The following DLC1 variants were observed in gnomAD, a reference collection of about 807,000 sequenced individuals.
DLC1 encodes DLC1 Rho GTPase activating protein.
DLC1 carries 54 observed loss-of-function variants against 140.3 expected under a neutral mutation model. That is an observed-to-expected ratio of 0.38 (90% CI 0.31 to 0.48). DLC1 has a LOEUF of 0.48. Ranked by LOEUF, DLC1 falls within the 20% of genes least tolerant of loss-of-function variation. The pLI, the probability that DLC1 is intolerant of heterozygous loss-of-function variation, is 0.96. For synonymous variants in DLC1, 986 were observed against 728.1 expected (o/e 1.35, Z -5.70); for missense variants, 2,536 against 1,907.0 (o/e 1.33, Z -6.14).
intron 5 of DLC1, among the ~76,000 whole-genome samples, chr8:13,298,063 T>A (rs1322308968): frequency 5.9e-5 from 9 of 152,238 alleles, no homozygotes; most frequent in Non-Finnish European, 1.2e-4. Context: ...GTTTCATTTC[T>A]ATTTTCTGTC....
chr8:13,446,703 G>A (rs1450340304), intron 2 of DLC1, among the ~76,000 whole-genome samples: 1 of 152,122 alleles, frequency 6.6e-6, no homozygotes, highest in Non-Finnish European at 1.5e-5. Flanking sequence ...CACTTTCGGA[G>A]GCCAAGGTGG....
At chr8:13,386,778 G>C (rs928462778) in intron 4 of DLC1, among the ~76,000 whole-genome samples, 1 of 151,036 alleles carries the variant, frequency 6.6e-6, no homozygotes, top group African/African-American at 2.4e-5. Context: ...AATAATCACT[G>C]AACAATTTCC....
At chr8:13,265,084 T>A (rs1184754795) in intron 5 of DLC1, among the ~76,000 whole-genome samples, 2 of 152,204 alleles carry the variant, frequency 1.3e-5, no homozygotes, top group African/African-American at 4.8e-5. Flanking sequence ...CCTATAGTAA[T>A]AAAAGTTGTC....
At chr8:13,488,256 T>A (rs1260831501) in intron 2 of DLC1, among the ~76,000 whole-genome samples, 1 of 152,222 alleles carries the variant, frequency 6.6e-6, no homozygotes, top group Non-Finnish European at 1.5e-5. Context: ...AATATCATTA[T>A]TTCATAGTTG....
intron 1 of DLC1, among the ~76,000 whole-genome samples, chr8:13,545,745 T>G (rs1803630215): frequency 6.6e-6 from 1 of 152,086 alleles, no homozygotes. Context: ...AATGACATAG[T>G]TGAAAAAAAC....
chr8:13,419,349 G>A (rs1458720326), intron 2 of DLC1, among the ~76,000 whole-genome samples: 1 of 152,124 alleles, frequency 6.6e-6, no homozygotes, highest in African/African-American at 2.4e-5. Context: ...TTGGCTGTGG[G>A]TTTGTCATAG....
In DLC1 at chr8:13,190,109, T is replaced by A. The variant is rs1249268569; in HGVS notation, c.1349-74452A>T. 5.3e-5 allele frequency among the ~76,000 whole-genome samples: 8 copies of A among 152,338 alleles called. No homozygotes were observed. The East Asian group carries it at 1.3e-3, about 26-fold the overall frequency. ...CAATTTTTTATTTTACTCAATGTAT[T>A]CCAAATATCATTTTGGCAGGTAAAC... On this transcript the variant is annotated intron_variant, in intron 5 of 17. Coordinates refer to ENST00000276297, the MANE Select transcript of DLC1 (RefSeq NM_182643.3).
intron 1 of DLC1, chr8:13,567,953 G>A (rs189908929): frequency 3.9e-6 from 6 of 1,530,152 alleles, no homozygotes; most frequent in African/African-American, 1.4e-5. Context: ...AATGTGTAAT[G>A]TGGATAGATG....
chr8:13,393,585 C>A lies in DLC1; in HGVS notation c.1282G>T (p.Val428Leu), dbSNP rs1836866078. ...ESTDLPSSTP[V>L]ANSGTKPKTT... ...TTGGGTTTGGTTCCAGAATTGGCTA[C>A]TGGAGTGGAAGATGGGAGGTCCGTG... Residue 428 changes from valine to leucine, a missense_variant, in exon 4 of 18, where the codon GTA becomes TTA. Transcript: ENST00000276297. 2 of 1,614,016 alleles carry A rather than the reference C, an allele frequency of 1.2e-6. No individual in the cohort carries two copies. The highest frequency in any genetic ancestry group is 1.7e-6 in the Non-Finnish European group (2 of 1,180,010).
At chr8:13,160,716 A>G (rs1824624734) in intron 5 of DLC1, among the ~76,000 whole-genome samples, 1 of 152,214 alleles carries the variant, frequency 6.6e-6, no homozygotes. Context: ...GGCAGGGAGC[A>G]GGTAATGATT....
chr8:13,238,828 A>G (rs981304725), intron 5 of DLC1, among the ~76,000 whole-genome samples: 15 of 152,098 alleles, frequency 9.9e-5, no homozygotes, highest in African/African-American at 3.6e-4. Flanking sequence ...ATGCTCTCTG[A>G]CGCGTGCTTC....
At chr8:13,522,606 C>T (rs907156794) in intron 1 of DLC1, among the ~76,000 whole-genome samples, 3 of 151,186 alleles carry the variant, frequency 2.0e-5, no homozygotes, top group Admixed American at 2.0e-4. Flanking sequence ...GCCTGGGCGA[C>T]AAGAGCAAAA....
rs143314900 is a variant in DLC1, at chr8:13,172,147, T to C, written c.1349-56490A>G. ...GTCATTTGGGGGGTAGCTATTTTTATAATTAATTGATGGAATCTGAAGTAT... is the reference window on the plus strand; with the variant it reads ...GTCATTTGGGGGGTAGCTATTTTTACAATTAATTGATGGAATCTGAAGTAT... On this transcript the variant is annotated intron_variant, in intron 5 of 17. Coordinates refer to ENST00000276297, the MANE Select transcript of DLC1 (RefSeq NM_182643.3). Among the ~76,000 whole-genome samples the C allele has an allele frequency of 3.3e-5, 5 of 152,368 alleles. No homozygotes were observed. The East Asian group carries it at 9.6e-4, about 29-fold the overall frequency.
chr8:13,237,242 C>T (rs113298459), intron 5 of DLC1, among the ~76,000 whole-genome samples: 7,430 of 45,010 alleles, frequency 0.17, 369 homozygotes, highest in African/African-American at 0.26. Flanking sequence ...TATATATATA[C>T]ACACACACAC....
chr8:13,202,430 A>G (rs1827438615), intron 5 of DLC1, among the ~76,000 whole-genome samples: 1 of 152,136 alleles, frequency 6.6e-6, no homozygotes, highest in Non-Finnish European at 1.5e-5. Context: ...TGAGAATGTT[A>G]TATCAAGTTT....
intron 4 of DLC1, among the ~76,000 whole-genome samples, chr8:13,360,549 G>C (rs563895692): frequency 1.3e-5 from 2 of 152,038 alleles, no homozygotes; most frequent in Non-Finnish European, 2.9e-5. Flanking sequence ...TTGATACAGC[G>C]CTGGGCTTGG....
intron 5 of DLC1, among the ~76,000 whole-genome samples, chr8:13,183,675 C>A (rs563869513): frequency 6.6e-6 from 1 of 152,168 alleles, no homozygotes; most frequent in African/African-American, 2.4e-5. Context: ...CTGAATTGAT[C>A]GTGGTGGATA....
chr8:13,276,541 C>G, intron 5 of DLC1: 1 of 1,292,460 alleles, frequency 7.7e-7, no homozygotes, highest in Non-Finnish European at 9.8e-7. Context: ...CCGGGAAGCG[C>G]CAACTGCAGG....
chr8:13,559,459 A>C (rs886722554), intron 1 of DLC1: 4 of 152,218 alleles, frequency 2.6e-5, no homozygotes, highest in African/African-American at 9.6e-5. Context: ...TTTCCAGGGC[A>C]GGGTGATATT....
Sources: allele counts gnomAD v4.1 joint callset (sites outside exome capture counted in the v4.1 genomes callset), GRCh38; gene constraint gnomAD v4.1.1; transcripts MANE v1.5; gene names NCBI Gene and HGNC (gene_info 2026-07-23, HGNC 2026-07-21).